CCDC171: variants seen among roughly 807,000 people sequenced by gnomAD.
The protein encoded by CCDC171 is coiled-coil domain-containing protein 171.
A neutral mutation model predicts 168.2 loss-of-function variants in CCDC171; 177 were observed. That is an observed-to-expected ratio of 1.05 (90% CI 0.93 to 1.19). The LOEUF is 1.19. Ranked by LOEUF, CCDC171 falls within the 50% of genes most tolerant of loss-of-function variation. The pLI, the probability that CCDC171 is intolerant of heterozygous loss-of-function variation, is 0.00. For synonymous variants in CCDC171, 687 were observed against 540.8 expected (o/e 1.27, Z -3.75); for missense variants, 1,991 against 1,539.0 (o/e 1.29, Z -4.91).
chr9:15,564,650 T>C lies in CCDC171; in HGVS notation c.41+521T>C, dbSNP rs189542846. ...TTTTTGTACCATTGATTTCTGCCTT[T>C]GGGCGTGGCGCCTACCTTTAGTTCA... On this transcript the variant is annotated intron_variant, in intron 2 of 25. Transcript: ENST00000380701. 4.5e-3 allele frequency among the ~76,000 whole-genome samples: 689 copies of C among 152,366 alleles called. 1 individual carries two copies. Among genetic ancestry groups the C allele is most frequent in the Non-Finnish European group, 5.6e-3 (384 of 68,038 alleles).
At chr9:15,676,962 G>A (rs953919922) in intron 9 of CCDC171, among the ~76,000 whole-genome samples, 8 of 152,052 alleles carry the variant, frequency 5.3e-5, no homozygotes, top group African/African-American at 9.7e-5. Flanking sequence ...ATAATAATAC[G>A]TGTGTTTCCA....
rs145062897 is a variant in CCDC171 at position 15,828,998 on chromosome 9, C to A, written c.3268-17704C>A. On this transcript the variant is annotated intron_variant, in intron 21 of 25. Coordinates refer to ENST00000380701, the MANE Select transcript of CCDC171 (RefSeq NM_173550.4). ...GCTAGGAGAATGGTGAGTCCAAAGGCCAGATTTCACACGGCAAAGAATGGC... is the reference window on the plus strand; with the variant it reads ...GCTAGGAGAATGGTGAGTCCAAAGGACAGATTTCACACGGCAAAGAATGGC... 5.0e-3 allele frequency among the ~76,000 whole-genome samples: 765 copies of A among 152,234 alleles called. 9 individuals are homozygous for A. The highest frequency in any genetic ancestry group is 0.017 in the African/African-American group (716 of 41,534).
chr9:15,623,543 T>C (rs2044752590), intron 7 of CCDC171, 130 bp downstream of exon 7: 1 of 503,012 alleles, frequency 2.0e-6, no homozygotes, highest in Non-Finnish European at 3.2e-6. Context: ...TGGAGAGTTT[T>C]ACTCTGTGAT....
chr9:15,638,923 A>G (rs2046393682), intron 7 of CCDC171, among the ~76,000 whole-genome samples: 1 of 152,044 alleles, frequency 6.6e-6, no homozygotes, highest in Admixed American at 6.6e-5. Flanking sequence ...TTAACTCAAT[A>G]AGAAAAGAGA....
intron 3 of CCDC171, among the ~76,000 whole-genome samples, chr9:15,990,944 C>A (rs975515438): frequency 6.6e-6 from 1 of 152,158 alleles, no homozygotes; most frequent in African/African-American, 2.4e-5. Context: ...TAGAGACCTA[C>A]AAAGAGACTT....
intron 24 of CCDC171, among the ~76,000 whole-genome samples, chr9:15,907,629 A>C (rs927192950): frequency 1.3e-5 from 2 of 152,228 alleles, no homozygotes; most frequent in Admixed American, 6.5e-5. Flanking sequence ...CACCAAAAGC[A>C]ATGGCAACAA....
intron 24 of CCDC171, among the ~76,000 whole-genome samples, chr9:15,917,036 G>A (rs1824625959): frequency 6.6e-6 from 1 of 151,874 alleles, no homozygotes; most frequent in Non-Finnish European, 1.5e-5. Context: ...CTTTTAATAA[G>A]GGAACAGGAT....
intron 3 of CCDC171, among the ~76,000 whole-genome samples, chr9:16,004,048 A>G (rs965459950): frequency 1.3e-5 from 2 of 152,112 alleles, no homozygotes; most frequent in South Asian, 2.1e-4. Context: ...CCAGAAATCA[A>G]TTCAACACTA....
At chr9:15,727,290 G>A (rs2053866962) in intron 14 of CCDC171, among the ~76,000 whole-genome samples, 1 of 152,054 alleles carries the variant, frequency 6.6e-6, no homozygotes, top group Non-Finnish European at 1.5e-5. Flanking sequence ...TTTGCCTAAG[G>A]GGCTTGGGAT....
chr9:15,945,586 A>G (rs866998640), intron 25 of CCDC171, among the ~76,000 whole-genome samples: 497 of 127,374 alleles, frequency 3.9e-3, no homozygotes, highest in African/African-American at 0.013. Flanking sequence ...CTGGTGTGAG[A>G]TGATATCTCA....
chr9:16,107,428 T>G, the CCDC171 span, among the ~76,000 whole-genome samples: 9 of 152,308 alleles, frequency 5.9e-5, no homozygotes, highest in Non-Finnish European at 1.2e-4. Context: ...ACAATTTTTA[T>G]TCCCTTGGGT....
At chr9:15,979,901 C>T (rs1313881531) in intron 3 of CCDC171, among the ~76,000 whole-genome samples, 1 of 149,352 alleles carries the variant, frequency 6.7e-6, no homozygotes, top group Non-Finnish European at 1.5e-5. Flanking sequence ...GTGAATTCAT[C>T]TTGGCCTGAG....
At chr9:15,594,475 C>T (rs1261252607) in intron 6 of CCDC171, among the ~76,000 whole-genome samples, 1 of 151,928 alleles carries the variant, frequency 6.6e-6, no homozygotes, top group East Asian at 1.9e-4. Flanking sequence ...TTGAATAGGA[C>T]AAAGAAATAG....
chr9:15,889,918 C>T (rs1164274940), intron 24 of CCDC171, among the ~76,000 whole-genome samples: 1 of 152,122 alleles, frequency 6.6e-6, no homozygotes, highest in African/African-American at 2.4e-5. Context: ...CCTGGTAGTC[C>T]ATAGGAGCAA....
chr9:16,049,561 A>T (rs1290924238), intron 1 of CCDC171, among the ~76,000 whole-genome samples: 1 of 152,138 alleles, frequency 6.6e-6, no homozygotes, highest in African/African-American at 2.4e-5. Context: ...TCAGAACTTC[A>T]GGGTAGCCGG....
At chr9:15,668,724 G>C (rs2048902704) in intron 9 of CCDC171, among the ~76,000 whole-genome samples, 1 of 151,956 alleles carries the variant, frequency 6.6e-6, no homozygotes, top group South Asian at 2.1e-4. Context: ...TGACTTGAGG[G>C]ATCTACCTGT....
In CCDC171 at chr9:15,973,239, A is replaced by G. The variant is rs1478245424; in HGVS notation, c.*1403A>G. The G allele has an allele frequency of 1.3e-5, 2 of 152,138 alleles. No homozygotes were observed. Among genetic ancestry groups the G allele is most frequent in the East Asian group, 1.9e-4 (1 of 5,202 alleles). 9.4% of individuals were successfully genotyped at this position (152,138 alleles called of 1,614,324 possible). On this transcript the variant is annotated 3_prime_UTR_variant, in exon 26 of 26. Transcript: ENST00000380701. ...GACAAAGAGTCTTGATACATAATCT[A>G]TTTTTTATATTATTTTTCATTATGG...
intron 2 of CCDC171, 59 bp from the exon 3 acceptor site, chr9:15,571,565 A>G (rs2040223057): frequency 2.3e-6 from 3 of 1,317,458 alleles, no homozygotes; most frequent in Non-Finnish European, 3.1e-6. Flanking sequence ...AATATCAGAA[A>G]TGCTCTGAAA....
At chr9:15,791,704 C>T (rs1486336030) in intron 21 of CCDC171, among the ~76,000 whole-genome samples, 5 of 152,126 alleles carry the variant, frequency 3.3e-5, no homozygotes, top group South Asian at 2.1e-4. Context: ...TGCTGATACC[C>T]GGCAAACAGG....
Sources: gnomAD v4.1 joint callset for allele counts (sites outside exome capture counted in the v4.1 genomes callset) on GRCh38, gnomAD v4.1.1 for gene constraint, MANE v1.5 for transcripts, NCBI Gene and HGNC (gene_info 2026-07-23, HGNC 2026-07-21) for gene names.